The following GRM5 variants were observed in gnomAD, a reference collection of about 807,000 sequenced individuals.
GRM5 encodes the protein glutamate metabotropic receptor 5.
Under a neutral mutation model 83.1 loss-of-function variants are expected in GRM5, and 19 were observed. The ratio of observed to expected loss-of-function variants is 0.23; its 90% CI spans 0.16 to 0.34. GRM5 has a LOEUF of 0.34. Among genes scored for constraint, GRM5 ranks in the 10% least tolerant of loss-of-function variants. The pLI is 1.00. For missense variants in GRM5, 1,160 were observed against 1,588.3 expected (o/e 0.73, Z 4.58); for synonymous variants, 675 against 633.6 (o/e 1.07, Z -0.98).
chr11:88,597,081 T>C (rs1187938139), intron 6 of GRM5, 103 bp downstream of exon 6: 2 of 661,998 alleles, frequency 3.0e-6, no homozygotes, highest in African/African-American at 3.7e-5. Context: ...AAGCTTACAA[T>C]ATAAAAAGTA....
intron 3 of GRM5, among the ~76,000 whole-genome samples, chr11:88,755,161 G>A (rs752619989): frequency 6.6e-6 from 1 of 152,068 alleles, no homozygotes; most frequent in Non-Finnish European, 1.5e-5. Flanking sequence ...TTTCAATAAG[G>A]CATTTGGAAA....
chr11:88,990,815 C>T lies in GRM5; in HGVS notation c.661+56397G>A, dbSNP rs1017151379. The stretch of plus-strand genomic sequence containing the variant: ...AGGCCTTTGACAAAATTCAACAACC[C>T]TTCATGCTAAAAACTCTCAATAAAT... On this transcript the variant is annotated intron_variant, in intron 2 of 9. Coordinates refer to ENST00000305447, the MANE Select transcript of GRM5 (RefSeq NM_001143831.3). Among the ~76,000 whole-genome samples the T allele has an allele frequency of 5.3e-5, 8 of 151,654 alleles. No individual in the cohort carries two copies. The South Asian group carries it at 1.5e-3, about 28-fold the overall frequency.
At chr11:88,937,039 A>G (rs1456921863) in intron 2 of GRM5, among the ~76,000 whole-genome samples, 1 of 151,758 alleles carries the variant, frequency 6.6e-6, no homozygotes, top group African/African-American at 2.4e-5. Flanking sequence ...ACAATTTATT[A>G]TAGAACAAAT....
intron 8 of GRM5, among the ~76,000 whole-genome samples, chr11:88,532,765 G>A (rs1427078938): frequency 2.0e-5 from 3 of 152,090 alleles, no homozygotes; most frequent in Non-Finnish European, 4.4e-5. Context: ...AAGAGATCAA[G>A]GAAGATGGAA....
chr11:89,009,929 A>AAAAAATAAAC (rs752780249), intron 2 of GRM5, among the ~76,000 whole-genome samples: 1 of 102,334 alleles, frequency 9.8e-6, no homozygotes, highest in Non-Finnish European at 1.9e-5. Context: ...AAAAAAAAAA[A>AAAAAATAAAC]ACACACACAA....
At chr11:88,791,405 C>G (rs548596645) in intron 3 of GRM5, among the ~76,000 whole-genome samples, 7 of 152,268 alleles carry the variant, frequency 4.6e-5, no homozygotes, top group African/African-American at 1.7e-4. Context: ...TCTTTATTCT[C>G]AACTCCACAC....
chr11:88,878,935 T>C (rs1276790774), intron 2 of GRM5, among the ~76,000 whole-genome samples: 1 of 152,118 alleles, frequency 6.6e-6, no homozygotes, highest in Non-Finnish European at 1.5e-5. Flanking sequence ...TAAAAGAGAC[T>C]GGCACAAATT....
intron 2 of GRM5, among the ~76,000 whole-genome samples, chr11:88,935,444 G>C (rs1565299510): frequency 6.6e-6 from 1 of 151,906 alleles, no homozygotes. Context: ...GGCTGAGCAA[G>C]TTACATTGCT....
At chr11:88,520,396 A>G (rs902480024) in intron 9 of GRM5, among the ~76,000 whole-genome samples, 23 of 152,216 alleles carry the variant, frequency 1.5e-4, no homozygotes, top group African/African-American at 5.5e-4. Context: ...TTTAAATTAT[A>G]TAACTACATG....
At chr11:89,008,206 G>A (rs57064031) in intron 2 of GRM5, among the ~76,000 whole-genome samples, 4,800 of 152,126 alleles carry the variant, frequency 0.032, 243 homozygotes, top group African/African-American at 0.11. Flanking sequence ...GAAAGAATTC[G>A]TATGCAGTGC....
At chr11:88,990,700 G>C (rs1255096089) in intron 2 of GRM5, among the ~76,000 whole-genome samples, 1 of 150,996 alleles carries the variant, frequency 6.6e-6, no homozygotes, top group African/African-American at 2.4e-5. Context: ...ATGCAAGGCT[G>C]GTTCAATATA....
chr11:88,672,105 CTG>C (rs932256109), intron 3 of GRM5, among the ~76,000 whole-genome samples: 54 of 152,120 alleles, frequency 3.5e-4, no homozygotes, highest in African/African-American at 1.3e-3. Context: ...ATCTTTAAGA[CTG>C]TCTTGGAGTC....
intron 3 of GRM5, among the ~76,000 whole-genome samples, chr11:88,792,311 A>G (rs1409074561): frequency 1.3e-5 from 2 of 152,094 alleles, no homozygotes; most frequent in African/African-American, 4.8e-5. Flanking sequence ...ATCAGTTATG[A>G]GGAACTTAGG....
intron 2 of GRM5, among the ~76,000 whole-genome samples, chr11:88,958,286 C>A (rs1476977423): frequency 1.3e-5 from 2 of 150,106 alleles, no homozygotes; most frequent in Admixed American, 6.6e-5. Flanking sequence ...CTTTTTACTG[C>A]ACATAATATA....
intron 3 of GRM5, among the ~76,000 whole-genome samples, chr11:88,843,149 G>T (rs368262365): frequency 1.3e-5 from 2 of 152,022 alleles, no homozygotes; most frequent in East Asian, 3.9e-4. Flanking sequence ...CACATCTGTT[G>T]GCACTATTTT....
chr11:88,770,407 TTAA>T (rs1288604521), intron 3 of GRM5, among the ~76,000 whole-genome samples: 2 of 152,240 alleles, frequency 1.3e-5, no homozygotes, highest in African/African-American at 2.4e-5. Context: ...ATGTAATGTG[TTAA>T]TAATAAACTC....
chr11:88,607,335 C>T (rs1227092663), intron 4 of GRM5, among the ~76,000 whole-genome samples: 1 of 152,146 alleles, frequency 6.6e-6, no homozygotes, highest in Non-Finnish European at 1.5e-5. Context: ...CATACCTTCA[C>T]AACTCTTATT....
intron 3 of GRM5, among the ~76,000 whole-genome samples, chr11:88,751,780 T>G (rs1271601065): frequency 6.6e-6 from 1 of 152,212 alleles, no homozygotes; most frequent in Non-Finnish European, 1.5e-5. Flanking sequence ...ATTCTCAGGA[T>G]GCAAGGTTGT....
At chr11:88,770,910 G>A (rs1428365057) in intron 3 of GRM5, among the ~76,000 whole-genome samples, 1 of 152,038 alleles carries the variant, frequency 6.6e-6, no homozygotes, top group Admixed American at 6.6e-5. Context: ...ATGGATTCCT[G>A]GACAGATATG....
Sources: allele counts gnomAD v4.1 joint callset (sites outside exome capture counted in the v4.1 genomes callset), GRCh38; gene constraint gnomAD v4.1.1; transcripts MANE v1.5; gene names NCBI Gene and HGNC (gene_info 2026-07-23, HGNC 2026-07-21).